Variants in PTDSS1 observed in about 807,000 individuals in gnomAD.
PTDSS1 encodes phosphatidylserine synthase 1.
PTDSS1 carries 45 observed loss-of-function variants against 70.5 expected under a neutral mutation model. The ratio of observed to expected loss-of-function variants is 0.64; its 90% CI spans 0.50 to 0.82. The LOEUF (loss-of-function observed/expected upper bound fraction) is 0.82, where lower values mean the gene tolerates loss of function less well. PTDSS1 is among the 40% of genes least tolerant of loss of function. The pLI is 0.00. For missense variants in PTDSS1, 417 were observed against 586.1 expected (o/e 0.71, Z 2.98); for synonymous variants, 188 against 203.8 (o/e 0.92, Z 0.66).
At chr8:96,312,912 G>T (rs1353278066) in intron 9 of PTDSS1, among the ~76,000 whole-genome samples, 1 of 152,172 alleles carries the variant, frequency 6.6e-6, no homozygotes, top group East Asian at 1.9e-4. Context: ...AGAAAACACT[G>T]AAGTGTGTGG....
At chr8:96,265,176 T>G (rs1289570492) in intron 1 of PTDSS1, among the ~76,000 whole-genome samples, 1 of 152,250 alleles carries the variant, frequency 6.6e-6, no homozygotes, top group Admixed American at 6.5e-5. Context: ...GTTGGACAAT[T>G]GTTCAGTGCA....
intron 4 of PTDSS1, among the ~76,000 whole-genome samples, chr8:96,289,779 G>C (rs564555423): frequency 6.2e-4 from 95 of 152,082 alleles, no homozygotes; most frequent in African/African-American, 2.1e-3. Flanking sequence ...TTCTTAGAGT[G>C]GTATTTAAAG....
intron 9 of PTDSS1, among the ~76,000 whole-genome samples, chr8:96,319,412 T>A (rs926077869): frequency 3.3e-5 from 5 of 152,160 alleles, no homozygotes; most frequent in Non-Finnish European, 7.3e-5. Context: ...AAGGCCTGAT[T>A]TTTATAGTCA....
At chr8:96,269,928 G>A (rs763734372) in intron 1 of PTDSS1, among the ~76,000 whole-genome samples, 4 of 152,198 alleles carry the variant, frequency 2.6e-5, no homozygotes, top group Non-Finnish European at 5.9e-5. Context: ...GATAGTAACG[G>A]ACACTTTCTC....
chr8:96,325,055 G>C (rs1321350532), intron 10 of PTDSS1, among the ~76,000 whole-genome samples: 1 of 152,182 alleles, frequency 6.6e-6, no homozygotes, highest in Non-Finnish European at 1.5e-5. Context: ...ACGGTGATAA[G>C]ATTTACTGGT....
intron 4 of PTDSS1, among the ~76,000 whole-genome samples, chr8:96,293,470 A>G (rs1375507002): frequency 6.6e-6 from 1 of 152,206 alleles, no homozygotes; most frequent in African/African-American, 2.4e-5. Flanking sequence ...TCCAGGCTTC[A>G]GCTCTACACT....
At chr8:96,306,331 G>A (rs1222123482) in intron 7 of PTDSS1, 113 bp from the exon 8 acceptor site, 1 of 799,568 alleles carries the variant, frequency 1.3e-6, no homozygotes, top group Non-Finnish European at 2.1e-6. Flanking sequence ...TCTATTCTCT[G>A]AAAATGCTTT....
intron 1 of PTDSS1, among the ~76,000 whole-genome samples, chr8:96,271,859 G>C (rs1445180588): frequency 6.6e-6 from 1 of 151,104 alleles, no homozygotes; most frequent in Admixed American, 6.6e-5. Flanking sequence ...TCCTTTGCCC[G>C]TTTTTCAATA....
intron 4 of PTDSS1, among the ~76,000 whole-genome samples, chr8:96,289,628 A>G (rs1231050130): frequency 2.6e-5 from 4 of 152,182 alleles, no homozygotes; most frequent in Non-Finnish European, 5.9e-5. Context: ...AACATTTGGT[A>G]CAGGTTAATT....
At chr8:96,294,521 C>T (rs1013068845) in intron 4 of PTDSS1, among the ~76,000 whole-genome samples, 4 of 151,874 alleles carry the variant, frequency 2.6e-5, no homozygotes, top group Non-Finnish European at 4.4e-5. Context: ...ATGTAGTATC[C>T]GATATATTTT....
At chr8:96,310,621 C>T (rs2130127802) in intron 9 of PTDSS1, among the ~76,000 whole-genome samples, 1 of 152,170 alleles carries the variant, frequency 6.6e-6, no homozygotes, top group African/African-American at 2.4e-5. Flanking sequence ...CTGTCATGGG[C>T]TGACCCACAC....
chr8:96,289,107 C>A (rs1460462626), intron 4 of PTDSS1, among the ~76,000 whole-genome samples: 1 of 150,936 alleles, frequency 6.6e-6, no homozygotes, highest in Non-Finnish European at 1.5e-5. Flanking sequence ...GCTAATTTTT[C>A]TATTTTTAGT....
chr8:96,307,481 C>T (rs62516302), intron 8 of PTDSS1, among the ~76,000 whole-genome samples: 1 of 128,320 alleles, frequency 7.8e-6, no homozygotes, highest in East Asian at 2.4e-4. Flanking sequence ...AAAAAAAAAC[C>T]TCCAGATCCT....
At position 96,335,402 on chromosome 8, in the gene PTDSS1, T is replaced by C. The variant is rs1237475207; in HGVS notation, c.*1836T>C. ...TGTCTCTTCTTTCTCACACCGGTGG[T>C]GCCTCACTGAGTGTTTCCGGGTTCA... On this transcript the variant is annotated 3_prime_UTR_variant, in exon 13 of 13. Transcript: ENST00000517309. 1 of 152,228 alleles carries C rather than the reference T, an allele frequency of 6.6e-6. No individual in the cohort carries two copies. Among genetic ancestry groups the C allele is most frequent in the Non-Finnish European group, 1.5e-5 (1 of 68,046 alleles). The allele number at this position is 152,228 out of a possible 1,614,324, so 9.4% of individuals were successfully genotyped here.
intron 10 of PTDSS1, among the ~76,000 whole-genome samples, chr8:96,325,439 A>G (rs1200128420): frequency 1.3e-5 from 2 of 152,210 alleles, no homozygotes; most frequent in East Asian, 3.9e-4. Context: ...GTGATATGTG[A>G]GCAGGATTTT....
intron 2 of PTDSS1, chr8:96,283,890 G>A (rs1319256443): frequency 1.4e-5 from 7 of 498,090 alleles, no homozygotes; most frequent in Non-Finnish European, 2.5e-5. Flanking sequence ...CTGTTGTGGA[G>A]AGTGGTGCCT....
At chr8:96,323,935 C>T (rs536701931) in intron 10 of PTDSS1, among the ~76,000 whole-genome samples, 1 of 152,326 alleles carries the variant, frequency 6.6e-6, no homozygotes, top group South Asian at 2.1e-4. Context: ...CCTCTGGAAT[C>T]TCATTGTATG....
intron 2 of PTDSS1, among the ~76,000 whole-genome samples, chr8:96,277,509 A>G (rs374139267): frequency 1.5e-4 from 23 of 152,346 alleles, no homozygotes; most frequent in African/African-American, 5.5e-4. Context: ...CCCTTGGCAC[A>G]TATTCTCAAG....
chr8:96,306,807 A>G (rs1183745480), intron 8 of PTDSS1, among the ~76,000 whole-genome samples: 1 of 152,252 alleles, frequency 6.6e-6, no homozygotes, highest in Non-Finnish European at 1.5e-5. Context: ...ATTCCTTTAC[A>G]GTCTTGGACT....
Sources: gnomAD v4.1 joint callset for allele counts (sites outside exome capture counted in the v4.1 genomes callset) on GRCh38, gnomAD v4.1.1 for gene constraint, MANE v1.5 for transcripts, NCBI Gene and HGNC (gene_info 2026-07-23, HGNC 2026-07-21) for gene names.